The following KCNQ5 variants were observed in gnomAD, a reference collection of about 807,000 sequenced individuals.
The protein encoded by KCNQ5 is potassium voltage-gated channel subfamily KQT member 5.
KCNQ5 carries 30 observed loss-of-function variants against 98.2 expected under a neutral mutation model. That is an observed-to-expected ratio of 0.31 (90% CI 0.23 to 0.41). KCNQ5 has a LOEUF of 0.41. Ranked by LOEUF, KCNQ5 falls within the 10% of genes least tolerant of loss-of-function variation. KCNQ5 has a pLI of 1.00. For synonymous variants in KCNQ5, 458 were observed against 449.4 expected, an observed-to-expected ratio of 1.02 and a Z score of -0.24; for missense variants, 835 against 1,182.5, an observed-to-expected ratio of 0.71 and a Z score of 4.31.
chr6:72,798,596 A>T (rs576679954), intron 1 of KCNQ5, among the ~76,000 whole-genome samples: 41 of 152,258 alleles, frequency 2.7e-4, no homozygotes, highest in African/African-American at 9.6e-4. Context: ...CTACATCTCC[A>T]TTTTTTATAA....
chr6:72,758,097 G>C (rs1478619111), intron 1 of KCNQ5, among the ~76,000 whole-genome samples: 1 of 151,924 alleles, frequency 6.6e-6, no homozygotes, highest in Admixed American at 6.6e-5. Flanking sequence ...CAGGCAGCCA[G>C]GGAAGGGGAA....
chr6:72,875,110 T>G (rs1007712323), intron 1 of KCNQ5, among the ~76,000 whole-genome samples: 8 of 152,180 alleles, frequency 5.3e-5, no homozygotes, highest in Non-Finnish European at 1.2e-4. Flanking sequence ...AAAACCTTGT[T>G]TTATGCATAA....
chr6:72,877,573 A>G (rs1404252190), intron 1 of KCNQ5, among the ~76,000 whole-genome samples: 1 of 152,222 alleles, frequency 6.6e-6, no homozygotes, highest in East Asian at 1.9e-4. Flanking sequence ...TCCTTTGGGT[A>G]TATACCCAGT....
chr6:72,627,729 C>G (rs2098918705), intron 1 of KCNQ5, among the ~76,000 whole-genome samples: 1 of 152,192 alleles, frequency 6.6e-6, no homozygotes, highest in Non-Finnish European at 1.5e-5. Flanking sequence ...AGCTACTCCC[C>G]TCTAATATGC....
chr6:73,190,782 A>C (rs1582513384), intron 12 of KCNQ5, 78 bp downstream of exon 12: 1 of 890,156 alleles, frequency 1.1e-6, no homozygotes, highest in East Asian at 2.9e-5. Context: ...TTAGTAGAGT[A>C]AACCTCTGAA....
intron 2 of KCNQ5, among the ~76,000 whole-genome samples, chr6:73,038,797 G>C (rs532666633): frequency 3.0e-4 from 45 of 151,874 alleles, no homozygotes; most frequent in Non-Finnish European, 5.0e-4. Context: ...TGGGTATGTA[G>C]TTTTTGTTTT....
At chr6:72,966,537 C>G (rs943690893) in intron 1 of KCNQ5, among the ~76,000 whole-genome samples, 1 of 151,896 alleles carries the variant, frequency 6.6e-6, no homozygotes, top group African/African-American at 2.4e-5. Flanking sequence ...CACTGCACTT[C>G]AGCCTCGGTG....
chr6:72,840,724 A>G (rs527682597), intron 1 of KCNQ5, among the ~76,000 whole-genome samples: 165 of 152,364 alleles, frequency 1.1e-3, no homozygotes, highest in African/African-American at 3.8e-3. Context: ...GATTTTATAG[A>G]GAAAAACATT....
At chr6:72,978,118 CAG>C (rs1301969222) in intron 1 of KCNQ5, among the ~76,000 whole-genome samples, 1 of 152,140 alleles carries the variant, frequency 6.6e-6, no homozygotes, top group East Asian at 1.9e-4. Context: ...GAAAATATAA[CAG>C]AGTTAACAAG....
At chr6:73,095,046 C>T (rs912011155) in intron 5 of KCNQ5, among the ~76,000 whole-genome samples, 3 of 152,194 alleles carry the variant, frequency 2.0e-5, no homozygotes, top group African/African-American at 7.2e-5. Flanking sequence ...TCTTCTTCCT[C>T]AAGAACACTG....
chr6:72,800,418 T>C (rs1363315333), intron 1 of KCNQ5, among the ~76,000 whole-genome samples: 2 of 152,174 alleles, frequency 1.3e-5, no homozygotes, highest in East Asian at 3.8e-4. Flanking sequence ...TGCGTAGAGG[T>C]GTTTGTAGTA....
chr6:72,799,207 C>G (rs565662146), intron 1 of KCNQ5, among the ~76,000 whole-genome samples: 40 of 152,264 alleles, frequency 2.6e-4, no homozygotes, highest in African/African-American at 9.4e-4. Context: ...GAAACTCAGG[C>G]AGGAGCTGAT....
intron 9 of KCNQ5, among the ~76,000 whole-genome samples, chr6:73,132,857 A>T (rs557432643): frequency 6.6e-6 from 1 of 152,304 alleles, no homozygotes; most frequent in Non-Finnish European, 1.5e-5. Flanking sequence ...AAAGAAATCT[A>T]ATGTTAAGTG....
chr6:72,716,984 A>C (rs765192735), intron 1 of KCNQ5, among the ~76,000 whole-genome samples: 1 of 152,186 alleles, frequency 6.6e-6, no homozygotes, highest in South Asian at 2.1e-4. Context: ...CAGAGCTTCT[A>C]TGGAGTTTGC....
At chr6:72,844,819 C>A (rs748871030) in intron 1 of KCNQ5, among the ~76,000 whole-genome samples, 2 of 152,126 alleles carry the variant, frequency 1.3e-5, no homozygotes, top group Admixed American at 6.6e-5. Flanking sequence ...TAAATATAAA[C>A]GGATTATTCT....
Position 72,741,464 on chromosome 6 carries a change from A to G in KCNQ5, c.398+118877A>G, listed in dbSNP as rs540748647. ...GTAGGGCAGTGTTTCTCAAACTTAC[A>G]TGAGCATATGAATCACCTGGGACTC... On this transcript the variant is annotated intron_variant, in intron 1 of 13. Transcript: ENST00000370398. Among the ~76,000 whole-genome samples the G allele has an allele frequency of 2.0e-5, 3 of 152,294 alleles. No individual in the cohort carries two copies. In the East Asian group the frequency reaches 5.8e-4, roughly 29 times the overall value.
Position 72,982,779 on chromosome 6 carries a change from A to G in KCNQ5, c.399-21129A>G, listed in dbSNP as rs140309744. Among the ~76,000 whole-genome samples, 429 of 152,218 alleles carry G rather than the reference A, an allele frequency of 2.8e-3. 5 individuals are homozygous for G. The highest frequency in any genetic ancestry group is 0.026 in the East Asian group (132 of 5,170). On this transcript the variant is annotated intron_variant, in intron 1 of 13. Transcript: ENST00000370398. The stretch of plus-strand genomic sequence containing the variant: ...TTTCTTCCTAGCATCAATGGTCTTC[A>G]CAATTTGACGTTTTTGCAGTGTCTG...
chr6:72,762,414 CT>C (rs970687887), intron 1 of KCNQ5, among the ~76,000 whole-genome samples: 17 of 142,414 alleles, frequency 1.2e-4, no homozygotes, highest in African/African-American at 5.2e-4. Flanking sequence ...CTTTAGAATA[CT>C]TAAAAAAAAA....
At chr6:73,179,996 GATGA>G (rs3837017) in intron 11 of KCNQ5, among the ~76,000 whole-genome samples, 53,158 of 151,592 alleles carry the variant, frequency 0.35, 10,162 homozygotes, top group East Asian at 0.56. Flanking sequence ...ATAAATGTTT[GATGA>G]ATGAATGAAT....
Sources: gnomAD v4.1 joint callset for allele counts (sites outside exome capture counted in the v4.1 genomes callset) on GRCh38, gnomAD v4.1.1 for gene constraint, MANE v1.5 for transcripts, NCBI Gene and HGNC (gene_info 2026-07-23, HGNC 2026-07-21) for gene names.